DIPK1A: variants seen among roughly 807,000 people sequenced by gnomAD.
The protein encoded by DIPK1A is divergent protein kinase domain 1A.
DIPK1A carries 27 observed loss-of-function variants against 40.8 expected under a neutral mutation model. That is an observed-to-expected ratio of 0.66 (90% CI 0.49 to 0.91). The LOEUF (loss-of-function observed/expected upper bound fraction) is 0.91, where lower values mean the gene tolerates loss of function less well. Among genes scored for constraint, DIPK1A ranks in the 40% least tolerant of loss-of-function variants. The probability of loss-of-function intolerance (pLI) is 0.00; values close to 1 mark genes in which losing one functional copy is unlikely to be tolerated. For synonymous variants in DIPK1A, 166 were observed against 171.3 expected, an observed-to-expected ratio of 0.97 and a Z score of 0.24; for missense variants, 412 against 505.7, an observed-to-expected ratio of 0.81 and a Z score of 1.78.
At position 92,935,737 on chromosome 1, in the gene DIPK1A, C is replaced by CA. The variant is rs575360880; in HGVS notation, c.54+25638dup. On this transcript the variant is annotated intron_variant, in intron 1 of 4. Coordinates refer to ENST00000370310, the MANE Select transcript of DIPK1A (RefSeq NM_001006605.5). Reference sequence around the variant, plus strand: ...ATTATAACGTGTTCAAGTAACTGAGCAAAAAAAAAAAATCCCTCACTATTC... The same window carrying CA: ...ATTATAACGTGTTCAAGTAACTGAGCAAAAAAAAAAAAATCCCTCACTATTC... Among the ~76,000 whole-genome samples, 379 of 137,284 alleles carry CA rather than the reference C, an allele frequency of 2.8e-3. 1 individual carries two copies. The highest frequency in any genetic ancestry group is 8.7e-3 in the African/African-American group (328 of 37,512). 90.1% of individuals were successfully genotyped at this position (137,284 alleles called of 152,430 possible).
At position 92,866,353 on chromosome 1, in the gene DIPK1A, C is replaced by T. The variant is rs2811601; in HGVS notation, c.189+9943G>A. 5.9e-3 allele frequency among the ~76,000 whole-genome samples: 894 copies of T among 152,282 alleles called. 14 individuals are homozygous for T. Among genetic ancestry groups the T allele is most frequent in the African/African-American group, 0.02 (820 of 41,558 alleles). On this transcript the variant is annotated intron_variant, in intron 2 of 4. Coordinates refer to ENST00000370310, the MANE Select transcript of DIPK1A (RefSeq NM_001006605.5). ...CTGACCTCAGGTGATCCACCCGCCT[C>T]GGCCTCTCAAAGTGCTGGGATTACA...
At chr1:92,948,560 A>G (rs987920050) in intron 1 of DIPK1A, among the ~76,000 whole-genome samples, 1 of 149,454 alleles carries the variant, frequency 6.7e-6, no homozygotes, top group African/African-American at 2.5e-5. Flanking sequence ...CTGGGATTAC[A>G]GGCATGAGCC....
At chr1:92,900,052 T>TTCTG (rs60897161) in intron 1 of DIPK1A, among the ~76,000 whole-genome samples, 103,575 of 151,366 alleles carry the variant, frequency 0.68, 35,921 homozygotes, top group East Asian at 0.95. Flanking sequence ...GTTTTTAGAA[T>TTCTG]TCTTTGTTTT....
chr1:92,931,359 A>G, intron 1 of DIPK1A: 2 of 241,496 alleles, frequency 8.3e-6, no homozygotes, highest in South Asian at 6.6e-5. Flanking sequence ...CAAAGAAAAA[A>G]GGACTGAGTG....
chr1:92,833,372 A>G, intron 4 of DIPK1A: 1 of 1,593,094 alleles, frequency 6.3e-7, no homozygotes, highest in Non-Finnish European at 8.6e-7. Context: ...TTTTAATAAC[A>G]TTCTTTTTTC....
chr1:92,833,268 C>T (rs1686983578), intron 4 of DIPK1A: 2 of 816,722 alleles, frequency 2.4e-6, no homozygotes, highest in South Asian at 3.1e-5. Flanking sequence ...TGGGATTCTA[C>T]AAGTGACAGT....
intron 4 of DIPK1A, chr1:92,846,668 G>A (rs1467028587): frequency 6.4e-5 from 24 of 376,172 alleles, no homozygotes; most frequent in South Asian, 2.1e-4. Flanking sequence ...TCACTTTGTC[G>A]TCCAGGCTGG....
intron 4 of DIPK1A, among the ~76,000 whole-genome samples, chr1:92,846,890 C>CATATAT (rs1471876928): frequency 1.6e-4 from 1 of 6,210 alleles, no homozygotes; most frequent in Non-Finnish European, 2.8e-4. Flanking sequence ...TATACACACA[C>CATATAT]ACGTATATAT....
intron 1 of DIPK1A, among the ~76,000 whole-genome samples, chr1:92,906,762 G>A (rs976332087): frequency 6.6e-5 from 10 of 152,056 alleles, no homozygotes; most frequent in Non-Finnish European, 2.9e-5. Context: ...CTCTTTTCAC[G>A]ATGCCATGGA....
At chr1:92,954,456 C>A (rs1363832420) in intron 1 of DIPK1A, among the ~76,000 whole-genome samples, 1 of 133,856 alleles carries the variant, frequency 7.5e-6, no homozygotes, top group Non-Finnish European at 1.5e-5. Context: ...TGGCTCACTG[C>A]AACCTCCAAC....
intron 4 of DIPK1A, chr1:92,845,556 A>G (rs1687573351): frequency 5.5e-6 from 2 of 362,244 alleles, no homozygotes; most frequent in South Asian, 4.0e-5. Flanking sequence ...AAAAAAAAAA[A>G]TGCTGGATGC....
chr1:92,926,452 T>G (rs1342091975), intron 1 of DIPK1A, among the ~76,000 whole-genome samples: 2 of 152,210 alleles, frequency 1.3e-5, no homozygotes, highest in Non-Finnish European at 2.9e-5. Context: ...TTGGTAAAAG[T>G]TCCATGGTAC....
At chr1:92,955,170 T>G (rs1432790903) in intron 1 of DIPK1A, among the ~76,000 whole-genome samples, 1 of 151,990 alleles carries the variant, frequency 6.6e-6, no homozygotes, top group African/African-American at 2.4e-5. Context: ...GACCAGTGGC[T>G]TTTGGGGGCT....
intron 2 of DIPK1A, among the ~76,000 whole-genome samples, chr1:92,872,490 A>G (rs1647921664): frequency 6.6e-6 from 1 of 152,136 alleles, no homozygotes; most frequent in African/African-American, 2.4e-5. Flanking sequence ...AGTTATTTTT[A>G]CATTCTTTTT....
At chr1:92,896,410 T>G (rs1649168805) in intron 1 of DIPK1A, among the ~76,000 whole-genome samples, 1 of 152,150 alleles carries the variant, frequency 6.6e-6, no homozygotes, top group South Asian at 2.1e-4. Flanking sequence ...GGGGAAAGGA[T>G]TCCCTATTTA....
intron 1 of DIPK1A, among the ~76,000 whole-genome samples, chr1:92,893,732 A>AT (rs1649017892): frequency 1.3e-5 from 2 of 152,030 alleles, no homozygotes; most frequent in Non-Finnish European, 2.9e-5. Context: ...GTCAAGACCC[A>AT]TCAGTGTGCT....
chr1:92,858,575 C>CT lies in DIPK1A; in HGVS notation c.190-7621dup, dbSNP rs879893217. ...GCATACTTTTCTATAATATTTAATACTTTTTTTTTTTAAAGCACAAACCAG... is the reference window on the plus strand; with the variant it reads ...GCATACTTTTCTATAATATTTAATACTTTTTTTTTTTTAAAGCACAAACCAG... On this transcript the variant is annotated intron_variant, in intron 2 of 4. Transcript: ENST00000370310. 1.6e-3 allele frequency among the ~76,000 whole-genome samples: 230 copies of CT among 147,906 alleles called. 3 individuals carry two copies. Among genetic ancestry groups the CT allele is most frequent in the Admixed American group, 4.5e-3 (66 of 14,820 alleles).
intron 1 of DIPK1A, among the ~76,000 whole-genome samples, chr1:92,915,854 A>C (rs527779892): frequency 1.3e-4 from 20 of 152,352 alleles, no homozygotes; most frequent in Non-Finnish European, 2.2e-4. Context: ...TAATAGTCCC[A>C]AAACGGAAAC....
In DIPK1A at chr1:92,843,296, C is replaced by A. The variant is rs2244496; in HGVS notation, c.*87G>T. 1,327,700 of 1,454,448 alleles carry A rather than the reference C, an allele frequency of 0.91. 606,664 individuals carry two copies. Among genetic ancestry groups the A allele is most frequent in the African/African-American group, 0.98 (68,276 of 69,826 alleles). The allele number at this position is 1,454,448 out of a possible 1,614,324, so 90.1% of individuals were successfully genotyped here. On this transcript the variant is annotated 3_prime_UTR_variant, in exon 5 of 5. Transcript: ENST00000370310. Reference sequence around the variant, plus strand: ...GGGGAAGGAGTTTTGTGTAACTGGCCGGAATTTGAAGCCATTTTTTTTTAA... The same window carrying A: ...GGGGAAGGAGTTTTGTGTAACTGGCAGGAATTTGAAGCCATTTTTTTTTAA...
Sources: allele counts gnomAD v4.1 joint callset (sites outside exome capture counted in the v4.1 genomes callset), GRCh38; gene constraint gnomAD v4.1.1; transcripts MANE v1.5; gene names NCBI Gene and HGNC (gene_info 2026-07-23, HGNC 2026-07-21).